Variants in PDZRN4 observed in about 807,000 individuals in gnomAD.
PDZRN4 encodes the protein PDZ domain-containing RING finger protein 4.
PDZRN4 carries 70 observed loss-of-function variants against 99.0 expected under a neutral mutation model. The ratio of observed to expected loss-of-function variants is 0.71; its 90% confidence interval spans 0.58 to 0.86. The LOEUF is 0.86. Among genes scored for constraint, PDZRN4 ranks in the 40% least tolerant of loss-of-function variants. The probability of loss-of-function intolerance (pLI) is 0.00; values close to 1 mark genes in which losing one functional copy is unlikely to be tolerated. For synonymous variants in PDZRN4, 551 were observed against 501.6 expected (o/e 1.10, Z -1.32); for missense variants, 1,474 against 1,331.2 (o/e 1.11, Z -1.67).
chr12:41,422,792 A>G (rs1416999256), intron 3 of PDZRN4, among the ~76,000 whole-genome samples: 1 of 152,152 alleles, frequency 6.6e-6, no homozygotes, highest in Non-Finnish European at 1.5e-5. Flanking sequence ...CATATCAAAA[A>G]CCATTACTAA....
intron 3 of PDZRN4, among the ~76,000 whole-genome samples, chr12:41,488,087 A>T (rs904153418): frequency 2.6e-5 from 4 of 152,144 alleles, no homozygotes; most frequent in African/African-American, 9.7e-5. Flanking sequence ...TTCAGAACAA[A>T]TGTTACAAAG....
At chr12:41,202,886 T>A (rs1238239478) in intron 3 of PDZRN4, among the ~76,000 whole-genome samples, 1 of 152,072 alleles carries the variant, frequency 6.6e-6, no homozygotes, top group Non-Finnish European at 1.5e-5. Flanking sequence ...ACAAAATATA[T>A]AATGTTAAAT....
chr12:41,531,896 G>A (rs1474946456), intron 5 of PDZRN4, among the ~76,000 whole-genome samples: 1 of 151,952 alleles, frequency 6.6e-6, no homozygotes, highest in Non-Finnish European at 1.5e-5. Flanking sequence ...TTTTTGCTTA[G>A]TATTTGCCAT....
chr12:41,512,416 G>A (rs1261205293), intron 5 of PDZRN4, among the ~76,000 whole-genome samples: 1 of 152,024 alleles, frequency 6.6e-6, no homozygotes, highest in East Asian at 1.9e-4. Flanking sequence ...TCTCTCATAA[G>A]AGAACTAAAG....
chr12:41,201,489 T>C (rs1007149862), intron 3 of PDZRN4, among the ~76,000 whole-genome samples: 7 of 152,254 alleles, frequency 4.6e-5, no homozygotes, highest in Non-Finnish European at 8.8e-5. Flanking sequence ...AGAAGTGGTT[T>C]TAGTATTTTA....
At chr12:41,507,565 C>T (rs1938229818) in intron 4 of PDZRN4, among the ~76,000 whole-genome samples, 1 of 152,126 alleles carries the variant, frequency 6.6e-6, no homozygotes, top group African/African-American at 2.4e-5. Context: ...AAGCCCGTTT[C>T]AGTGGGTCAC....
chr12:41,571,291 C>G (rs896277451), intron 9 of PDZRN4, among the ~76,000 whole-genome samples: 2 of 148,640 alleles, frequency 1.3e-5, no homozygotes, highest in Admixed American at 1.4e-4. Flanking sequence ...CTTATTAGGA[C>G]AGTTACAGTT....
At position 41,555,025 on chromosome 12, in the gene PDZRN4, G is replaced by A. The variant is rs190407061; in HGVS notation, c.1303-673G>A. On this transcript the variant is annotated intron_variant, in intron 6 of 9. Transcript: ENST00000402685. ...AGATCAAGACCATCCGGGCTAACAC[G>A]GTGAAACCCCATCTCTACTAAAAAT... Among the ~76,000 whole-genome samples the A allele has an allele frequency of 1.5e-3, 216 of 141,434 alleles. 7 individuals carry two copies. In the East Asian group the frequency reaches 0.034, roughly 23 times the overall value. The allele number at this position is 141,434 out of a possible 152,430, so 92.8% of individuals were successfully genotyped here.
At chr12:41,346,838 A>G (rs1951858233) in intron 3 of PDZRN4, among the ~76,000 whole-genome samples, 1 of 152,144 alleles carries the variant, frequency 6.6e-6, no homozygotes, top group African/African-American at 2.4e-5. Context: ...CCTCTCACTA[A>G]TATACATTTT....
intron 3 of PDZRN4, among the ~76,000 whole-genome samples, chr12:41,306,021 G>A (rs1449676262): frequency 6.6e-6 from 1 of 152,166 alleles, no homozygotes; most frequent in African/African-American, 2.4e-5. Context: ...GCATAGTACA[G>A]GCATTCTCAT....
chr12:41,242,122 T>C (rs900990891), intron 3 of PDZRN4, among the ~76,000 whole-genome samples: 5 of 152,214 alleles, frequency 3.3e-5, no homozygotes, highest in Non-Finnish European at 5.9e-5. Flanking sequence ...TATCCAACTC[T>C]TGAGCCAGGT....
chr12:41,297,462 C>A (rs1951503911), intron 3 of PDZRN4, among the ~76,000 whole-genome samples: 2 of 152,150 alleles, frequency 1.3e-5, no homozygotes, highest in South Asian at 4.1e-4. Flanking sequence ...AGTGCTTTCA[C>A]TGGTGCTGTG....
intron 3 of PDZRN4, among the ~76,000 whole-genome samples, chr12:41,296,682 G>A (rs1951496604): frequency 1.3e-5 from 2 of 152,092 alleles, no homozygotes; most frequent in African/African-American, 2.4e-5. Flanking sequence ...CTGTAAGGCT[G>A]GGCATGGTGG....
chr12:41,535,694 G>A (rs1276364869), intron 5 of PDZRN4, among the ~76,000 whole-genome samples: 1 of 152,098 alleles, frequency 6.6e-6, no homozygotes, highest in African/African-American at 2.4e-5. Context: ...ATGGGAGTGG[G>A]TTTGTTATTA....
chr12:41,437,973 A>G, intron 3 of PDZRN4: 1 of 1,614,112 alleles, frequency 6.2e-7, no homozygotes, highest in Non-Finnish European at 8.5e-7. Context: ...ACTTTTCAGA[A>G]AAGAGAGGAA....
At chr12:41,364,908 C>T (rs1286306658) in intron 3 of PDZRN4, among the ~76,000 whole-genome samples, 2 of 151,960 alleles carry the variant, frequency 1.3e-5, no homozygotes, top group African/African-American at 2.4e-5. Flanking sequence ...GAAAGAGATG[C>T]CAGTGGGGAG....
intron 3 of PDZRN4, among the ~76,000 whole-genome samples, chr12:41,380,275 A>T (rs1215192909): frequency 1.3e-5 from 2 of 151,518 alleles, no homozygotes; most frequent in Non-Finnish European, 2.9e-5. Flanking sequence ...TGGTTCCTGG[A>T]TTTTGTTTTT....
chr12:41,558,115 A>T lies in PDZRN4; in HGVS notation c.1365+2355A>T, dbSNP rs562994252. Among the ~76,000 whole-genome samples the T allele has an allele frequency of 8.5e-5, 13 of 152,336 alleles. No homozygotes were observed. In the East Asian group the frequency reaches 2.3e-3, roughly 27 times the overall value. The stretch of plus-strand genomic sequence containing the variant: ...CTTCAAAAGTGTTTTACTATTTTTT[A>T]AATTTTGAAATAATTTTAAACGTAT... On this transcript the variant is annotated intron_variant, in intron 7 of 9. Transcript: ENST00000402685.
intron 3 of PDZRN4, among the ~76,000 whole-genome samples, chr12:41,269,308 A>G (rs1951298752): frequency 6.6e-6 from 1 of 152,194 alleles, no homozygotes; most frequent in Non-Finnish European, 1.5e-5. Flanking sequence ...GACAATAACA[A>G]ATTCTCCCTA....
Sources: gnomAD v4.1 joint callset for allele counts (sites outside exome capture counted in the v4.1 genomes callset) on GRCh38, gnomAD v4.1.1 for gene constraint, MANE v1.5 for transcripts, NCBI Gene and HGNC (gene_info 2026-07-23, HGNC 2026-07-21) for gene names.